The following CNKSR3 variants were observed in gnomAD, a reference collection of about 807,000 sequenced individuals.
The protein encoded by CNKSR3 is CNKSR family member 3, also known as connector enhancer of kinase suppressor of ras 3.
Under a neutral mutation model 67.7 loss-of-function variants are expected in CNKSR3, and 36 were observed. The observed-to-expected ratio is 0.53, with a 90% CI of 0.41 to 0.70. CNKSR3 has a LOEUF of 0.70. CNKSR3 is among the 30% of genes least tolerant of loss of function. The pLI is 0.00. For synonymous variants in CNKSR3, 281 were observed against 271.4 expected, an observed-to-expected ratio of 1.04 and a Z score of -0.35; for missense variants, 630 against 695.2, an observed-to-expected ratio of 0.91 and a Z score of 1.05.
intron 7 of CNKSR3, 68 bp downstream of exon 7, chr6:154,428,060 T>C (rs2128714882): frequency 9.8e-7 from 1 of 1,024,336 alleles, no homozygotes; most frequent in Non-Finnish European, 1.5e-6. Context: ...AAATTCAAAG[T>C]ATAGAGACTG....
chr6:154,442,231 G>A lies in CNKSR3; in HGVS notation c.276C>T (p.Ser92=), dbSNP rs377245159. The A allele has an allele frequency of 4.3e-5, 70 of 1,614,048 alleles. No homozygotes were observed. Among genetic ancestry groups the A allele is most frequent in the Non-Finnish European group, 5.7e-5 (67 of 1,180,008 alleles). The change falls in exon 3 of 13, where the codon TCC becomes TCT. Residue 92 remains serine (S), a synonymous_variant. Transcript: ENST00000607772. ...TACTTATGTAATTCTGTAAATTGTG[G>A]GAAGATGCTCTCAGTTTCAGAACCA... ...KNLVLKLRAS[S]HNLQNYISSR...
rs192739101 is a variant in CNKSR3 at position 154,391,410 on chromosome 6, T to C, written c.*14944A>G. On this transcript the variant is annotated 3_prime_UTR_variant, in exon 13 of 13. Transcript: ENST00000607772. ...CACCACAACTGGCTAATTTTTTGTATTTTTAGTAGAGACAGGGTTTCATCG... is the reference window on the plus strand; with the variant it reads ...CACCACAACTGGCTAATTTTTTGTACTTTTAGTAGAGACAGGGTTTCATCG... 1 of 152,210 alleles carries C rather than the reference T, an allele frequency of 6.6e-6. No individual in the cohort carries two copies. The highest frequency in any genetic ancestry group is 1.5e-5 in the Non-Finnish European group (1 of 68,124). 9.4% of individuals were successfully genotyped at this position (152,210 alleles called of 1,614,324 possible).
At position 154,399,125 on chromosome 6, in the gene CNKSR3, C is replaced by A. The variant is rs1436808740; in HGVS notation, c.*7229G>T. 6.6e-6 allele frequency: 1 copy of A among 151,720 alleles called. No homozygotes were observed. Among genetic ancestry groups the A allele is most frequent in the Non-Finnish European group, 1.5e-5 (1 of 67,970 alleles). 9.4% of individuals were successfully genotyped at this position (151,720 alleles called of 1,614,324 possible). A position where few individuals can be genotyped will look rare whatever the true frequency, so the allele number is the denominator to read the frequency against. The stretch of plus-strand genomic sequence containing the variant: ...GTCCAATCACAGACTTTTGTCATTT[C>A]TTGAGTTCTGAATCGGCTAAAACAT... On this transcript the variant is annotated 3_prime_UTR_variant, in exon 13 of 13. Coordinates refer to ENST00000607772, the MANE Select transcript of CNKSR3 (RefSeq NM_173515.4).
chr6:154,480,976 T>G (rs1302722379), intron 1 of CNKSR3, among the ~76,000 whole-genome samples: 1 of 152,226 alleles, frequency 6.6e-6, no homozygotes, highest in Non-Finnish European at 1.5e-5. Context: ...TTTGGCTTAT[T>G]TATTTATGCT....
chr6:154,407,189 G>T (rs1033502709), intron 12 of CNKSR3, among the ~76,000 whole-genome samples: 2 of 152,138 alleles, frequency 1.3e-5, no homozygotes, highest in African/African-American at 4.8e-5. Context: ...GGTAGCACAC[G>T]GGTCTCCTTT....
At chr6:154,491,623 C>T (rs985386148) in intron 1 of CNKSR3, among the ~76,000 whole-genome samples, 12 of 152,050 alleles carry the variant, frequency 7.9e-5, no homozygotes, top group Non-Finnish European at 1.6e-4. Flanking sequence ...TAACACCAAA[C>T]TCAGAGAGAG....
rs1448063944 is a variant in CNKSR3, at chr6:154,388,872, C to T, written c.*17482G>A. ...TATACTCTCGCAATGTGTCAACTAG[C>T]TTCTTTCATTGCTGTTCAAGATGCC... On this transcript the variant is annotated 3_prime_UTR_variant, in exon 13 of 13. Transcript: ENST00000607772. 2 of 151,988 alleles carry T rather than the reference C, an allele frequency of 1.3e-5. No homozygotes were observed. The highest frequency in any genetic ancestry group is 2.9e-5 in the Non-Finnish European group (2 of 68,022). The allele number at this position is 151,988 out of a possible 1,614,324, so 9.4% of individuals were successfully genotyped here. A position where few individuals can be genotyped will look rare whatever the true frequency, so the allele number is the denominator to read the frequency against.
chr6:154,415,461 C>T lies in CNKSR3; in HGVS notation c.946-1038G>A, dbSNP rs182369145. On this transcript the variant is annotated intron_variant, in intron 9 of 12. Transcript: ENST00000607772. ...GGCCAGGCTGGTCTCAAACTCCTGA[C>T]CACAGGTGATCCGCCCACCTCAGCC... Among the ~76,000 whole-genome samples the T allele has an allele frequency of 2.9e-3, 434 of 152,118 alleles. 1 individual carries two copies. The highest frequency in any genetic ancestry group is 4.8e-3 in the Non-Finnish European group (325 of 67,990).
intron 1 of CNKSR3, among the ~76,000 whole-genome samples, chr6:154,451,993 G>A (rs1392364838): frequency 6.6e-6 from 1 of 152,174 alleles, no homozygotes; most frequent in Non-Finnish European, 1.5e-5. Context: ...CAAGTCGACA[G>A]GTGTTGAGAC....
At chr6:154,474,809 C>T (rs1313609026) in intron 1 of CNKSR3, among the ~76,000 whole-genome samples, 2 of 152,094 alleles carry the variant, frequency 1.3e-5, no homozygotes, top group African/African-American at 4.8e-5. Context: ...CTACACTAGA[C>T]AGAAAATGTG....
At chr6:154,424,935 C>A (rs1785225753) in intron 7 of CNKSR3, among the ~76,000 whole-genome samples, 1 of 152,178 alleles carries the variant, frequency 6.6e-6, no homozygotes. Context: ...CCACGCCCAG[C>A]TAATTTCTGT....
In CNKSR3 at chr6:154,406,569, A is replaced by T. The variant is rs1304781970; in HGVS notation, c.1453T>A (p.Ser485Thr). Residue 485 changes from serine (S) to threonine (T), a missense_variant, in exon 13 of 13, where the codon TCC becomes ACC. Around this residue, in one of 3 missense-constraint regions of CNKSR3, gnomAD observed 308 missense variants for 299.6 expected, o/e 1.03. Coordinates refer to ENST00000607772, the MANE Select transcript of CNKSR3 (RefSeq NM_173515.4). Reference sequence around the variant, plus strand: ...AGATGCCGCTCGGTCGTGGGTCTGGAGAACCGGTATGGGGGAGAGGAGCTC... The same window carrying T: ...AGATGCCGCTCGGTCGTGGGTCTGGTGAACCGGTATGGGGGAGAGGAGCTC... ...EESSSPPYRF[S>T]RPTTERHLVR... is the part of the protein sequence containing the mutation. 1 of 1,614,224 alleles carries T rather than the reference A, an allele frequency of 6.2e-7. No individual in the cohort carries two copies.
intron 5 of CNKSR3, among the ~76,000 whole-genome samples, chr6:154,431,162 G>C (rs977139204): frequency 6.6e-6 from 1 of 152,064 alleles, no homozygotes; most frequent in Non-Finnish European, 1.5e-5. Context: ...TGACAAACTA[G>C]GACGGGCACA....
rs1267419704 is a variant in CNKSR3, at chr6:154,397,734, T to C, written c.*8620A>G. On this transcript the variant is annotated 3_prime_UTR_variant, in exon 13 of 13. Coordinates refer to ENST00000607772, the MANE Select transcript of CNKSR3 (RefSeq NM_173515.4). Reference sequence around the variant, plus strand: ...ATGAGTAAAAGCAAATCTGCGGCCATCACTAGGTGCACAGTGCAGTGGGGG... The same window carrying C: ...ATGAGTAAAAGCAAATCTGCGGCCACCACTAGGTGCACAGTGCAGTGGGGG... 3 of 148,116 alleles carry C rather than the reference T, an allele frequency of 2.0e-5. No homozygotes were observed. Among genetic ancestry groups the C allele is most frequent in the Non-Finnish European group, 4.4e-5 (3 of 67,556 alleles). 9.2% of individuals were successfully genotyped at this position (148,116 alleles called of 1,614,324 possible). A position where few individuals can be genotyped will look rare whatever the true frequency, so the allele number is the denominator to read the frequency against.
chr6:154,434,271 A>G (rs1481929936), intron 4 of CNKSR3, among the ~76,000 whole-genome samples: 1 of 152,192 alleles, frequency 6.6e-6, no homozygotes, highest in Non-Finnish European at 1.5e-5. Context: ...TTAACCTTCT[A>G]GAACTCATCT....
At chr6:154,498,712 GGGTTTTGCCAAAAGTACA>G (rs1264482820) in intron 1 of CNKSR3, among the ~76,000 whole-genome samples, 1 of 152,162 alleles carries the variant, frequency 6.6e-6, no homozygotes, top group African/African-American at 2.4e-5. Flanking sequence ...GGACTCTCAT[GGGTTTTGCCAAAAGTACA>G]GGTTCAAATT....
rs1322579592 is a variant in CNKSR3 at position 154,398,028 on chromosome 6, T to C, written c.*8326A>G. ...ACCCATTAGGCTGAATCATATGAAC[T>C]GCAGATTATGCAGGTAAAATATGGC... On this transcript the variant is annotated 3_prime_UTR_variant, in exon 13 of 13. Transcript: ENST00000607772. The C allele has an allele frequency of 6.6e-6, 1 of 152,228 alleles. No homozygotes were observed. Among genetic ancestry groups the C allele is most frequent in the Non-Finnish European group, 1.5e-5 (1 of 68,036 alleles). 9.4% of individuals were successfully genotyped at this position (152,228 alleles called of 1,614,324 possible).
At chr6:154,413,681 A>G (rs376514766) in intron 10 of CNKSR3, among the ~76,000 whole-genome samples, 4 of 152,156 alleles carry the variant, frequency 2.6e-5, no homozygotes, top group South Asian at 2.1e-4. Flanking sequence ...AGGGCCCCCA[A>G]TAGACCCTTC....
intron 4 of CNKSR3, among the ~76,000 whole-genome samples, chr6:154,437,045 C>T (rs1231148501): frequency 3.3e-5 from 5 of 151,938 alleles, no homozygotes; most frequent in South Asian, 2.1e-4. Flanking sequence ...GAAGGGGGGA[C>T]GGCAAGATGT....
Sources: gnomAD v4.1 joint callset for allele counts (sites outside exome capture counted in the v4.1 genomes callset) on GRCh38, gnomAD v4.1.1 for gene constraint, gnomAD v4.1.1 regional missense constraint, MANE v1.5 for transcripts, NCBI Gene and HGNC (gene_info 2026-07-23, HGNC 2026-07-21) for gene names.